Variants in PDE4D observed in about 807,000 individuals in gnomAD.
PDE4D encodes the protein 3',5'-cyclic-AMP phosphodiesterase 4D.
In PDE4D, 24 loss-of-function variants were observed where a neutral mutation model predicts 87.4. That is an observed-to-expected ratio of 0.27 (90% CI 0.20 to 0.39). The LOEUF is 0.39. Among genes scored for constraint, PDE4D ranks in the 10% least tolerant of loss-of-function variants. The probability of loss-of-function intolerance (pLI) is 1.00; values close to 1 mark genes in which losing one functional copy is unlikely to be tolerated. For missense variants in PDE4D, 714 were observed against 1,041.0 expected (o/e 0.69, Z 4.32); for synonymous variants, 384 against 383.2 (o/e 1.00, Z -0.02).
chr5:59,339,284 T>C lies in PDE4D; in HGVS notation c.456-123316A>G, dbSNP rs1186931860. Among the ~76,000 whole-genome samples, 3 of 152,230 alleles carry C rather than the reference T, an allele frequency of 2.0e-5. No individual in the cohort carries two copies. In the East Asian group the frequency reaches 5.8e-4, roughly 29 times the overall value. On this transcript the variant is annotated intron_variant, in intron 1 of 14. Transcript: ENST00000340635. ...GTTATCTGAGCATCAAATTACATAT[T>C]TTCCTGAAATATTTTATATTTTCTC...
intron 1 of PDE4D, among the ~76,000 whole-genome samples, chr5:59,445,628 C>T (rs1475848133): frequency 6.6e-6 from 1 of 152,134 alleles, no homozygotes; most frequent in African/African-American, 2.4e-5. Flanking sequence ...CAGAATGTAG[C>T]CTTTTTGAGT....
intron 2 of PDE4D, among the ~76,000 whole-genome samples, chr5:60,084,457 C>G (rs1188768365): frequency 6.6e-6 from 1 of 151,924 alleles, no homozygotes; most frequent in Non-Finnish European, 1.5e-5. Flanking sequence ...AAATATGGGC[C>G]TGTTTGAGAA....
chr5:59,351,569 AC>A (rs1780543685), intron 1 of PDE4D, among the ~76,000 whole-genome samples: 1 of 152,220 alleles, frequency 6.6e-6, no homozygotes, highest in Admixed American at 6.5e-5. Flanking sequence ...GTAAAATACA[AC>A]CACATGACCA....
intron 1 of PDE4D, among the ~76,000 whole-genome samples, chr5:59,442,836 C>T (rs1031064139): frequency 6.6e-6 from 1 of 152,118 alleles, no homozygotes; most frequent in African/African-American, 2.4e-5. Flanking sequence ...AGAGGAAAAG[C>T]CCAAGCTAAG....
chr5:59,095,428 T>C (rs1269061567), intron 5 of PDE4D, among the ~76,000 whole-genome samples: 2 of 152,148 alleles, frequency 1.3e-5, no homozygotes, highest in South Asian at 4.2e-4. Context: ...ATCATAGTAA[T>C]TGATTCCCTC....
At chr5:59,140,422 A>G (rs1190207554) in intron 5 of PDE4D, among the ~76,000 whole-genome samples, 1 of 152,196 alleles carries the variant, frequency 6.6e-6, no homozygotes. Flanking sequence ...CAGGGTATAC[A>G]CTCAGGGATG....
chr5:59,385,119 C>T (rs1786716828), intron 1 of PDE4D, among the ~76,000 whole-genome samples: 1 of 152,152 alleles, frequency 6.6e-6, no homozygotes, highest in Non-Finnish European at 1.5e-5. Flanking sequence ...TCCTCCTCAA[C>T]ACCTTGTACT....
intron 1 of PDE4D, among the ~76,000 whole-genome samples, chr5:59,309,651 G>T (rs952147466): frequency 6.6e-6 from 1 of 152,186 alleles, no homozygotes; most frequent in Non-Finnish European, 1.5e-5. Flanking sequence ...TTCCTTCAGA[G>T]GGTGTGTGGG....
At chr5:59,553,797 A>G (rs906651348) in intron 1 of PDE4D, among the ~76,000 whole-genome samples, 1 of 152,192 alleles carries the variant, frequency 6.6e-6, no homozygotes, top group Non-Finnish European at 1.5e-5. Context: ...CTATTGTTTA[A>G]TAAATACAAG....
chr5:60,330,202 A>G (rs576446067), intron 1 of PDE4D, among the ~76,000 whole-genome samples: 1 of 152,280 alleles, frequency 6.6e-6, no homozygotes, highest in East Asian at 1.9e-4. Flanking sequence ...GTAGTTAATG[A>G]CTCAATTATG....
chr5:60,068,889 T>G (rs1772411452), intron 2 of PDE4D, among the ~76,000 whole-genome samples: 1 of 152,196 alleles, frequency 6.6e-6, no homozygotes, highest in Non-Finnish European at 1.5e-5. Flanking sequence ...TGTTTACTTT[T>G]GTTTTTGTTG....
intron 6 of PDE4D, among the ~76,000 whole-genome samples, 151 bp from the exon 7 acceptor site, chr5:58,993,616 A>G (rs570947569): frequency 9.2e-5 from 14 of 152,232 alleles, no homozygotes; most frequent in Non-Finnish European, 2.1e-4. Flanking sequence ...ACTTTCTTCA[A>G]TGAGGGGAAA....
chr5:59,735,396 T>C (rs1338459379), intron 1 of PDE4D, among the ~76,000 whole-genome samples: 3 of 152,184 alleles, frequency 2.0e-5, no homozygotes, highest in Non-Finnish European at 4.4e-5. Context: ...ACCAACTGCC[T>C]TGAAGTACCA....
intron 2 of PDE4D, among the ~76,000 whole-genome samples, chr5:60,105,050 A>G (rs1228595557): frequency 6.6e-6 from 1 of 152,114 alleles, no homozygotes. Flanking sequence ...GGCTTCAGAC[A>G]ATCAAACTAC....
chr5:60,476,560 T>C lies in PDE4D; in HGVS notation c.-90+11382A>G, dbSNP rs530832820. On this transcript the variant is annotated intron_variant, in intron 1 of 16. Coordinates refer to the PDE4D transcript ENST00000502484. ...GGATTGCCATGGCACTTAGAAAGAA[T>C]GTAACGAGCTTACTGTTGTCTACAA... Among the ~76,000 whole-genome samples the C allele has an allele frequency of 8.7e-4, 133 of 152,306 alleles. 1 individual carries two copies. Among genetic ancestry groups the C allele is most frequent in the African/African-American group, 3.1e-3 (127 of 41,556 alleles).
chr5:59,829,242 C>T (rs1770693295), intron 1 of PDE4D, among the ~76,000 whole-genome samples: 1 of 151,938 alleles, frequency 6.6e-6, no homozygotes, highest in Non-Finnish European at 1.5e-5. Context: ...AAATAGCACA[C>T]ATTAGAATAG....
At chr5:60,289,422 T>C (rs1454718197) in intron 1 of PDE4D, among the ~76,000 whole-genome samples, 1 of 152,158 alleles carries the variant, frequency 6.6e-6, no homozygotes, top group East Asian at 1.9e-4. Flanking sequence ...TAAATCATGA[T>C]AATCTCTCAC....
intron 2 of PDE4D, among the ~76,000 whole-genome samples, chr5:60,126,791 C>A (rs1444820712): frequency 1.3e-5 from 2 of 152,110 alleles, no homozygotes; most frequent in African/African-American, 4.8e-5. Flanking sequence ...CTGCCGAGAA[C>A]AAAGATGCTT....
chr5:60,173,543 G>A (rs895842058), intron 2 of PDE4D, among the ~76,000 whole-genome samples: 10 of 151,588 alleles, frequency 6.6e-5, no homozygotes, highest in African/African-American at 2.4e-4. Flanking sequence ...TATGAATGAT[G>A]GCTGTAACAG....
Sources: allele counts gnomAD v4.1 joint callset (sites outside exome capture counted in the v4.1 genomes callset), GRCh38; gene constraint gnomAD v4.1.1; transcripts MANE v1.5; gene names NCBI Gene and HGNC (gene_info 2026-07-23, HGNC 2026-07-21).